The following IARS1 variants were observed in gnomAD, a reference collection of about 807,000 sequenced individuals.
IARS1 encodes the protein isoleucyl-tRNA synthetase 1.
A neutral mutation model predicts 168.2 loss-of-function variants in IARS1; 124 were observed. The observed-to-expected ratio is 0.74, with a 90% confidence interval of 0.64 to 0.86. IARS1 has a LOEUF of 0.86. Ranked by LOEUF, IARS1 falls within the 40% of genes least tolerant of loss-of-function variation. The pLI is 0.00. For missense variants in IARS1, 1,452 were observed against 1,515.8 expected (o/e 0.96, Z 0.70); for synonymous variants, 532 against 529.4 (o/e 1.00, Z -0.07).
chr9:92,259,699 C>G (rs1450314321), intron 18 of IARS1, among the ~76,000 whole-genome samples: 1 of 152,184 alleles, frequency 6.6e-6, no homozygotes, highest in Non-Finnish European at 1.5e-5. Context: ...ATGATTACAG[C>G]TACCTCAAGC....
intron 9 of IARS1, 64 bp from the exon 10 acceptor site, chr9:92,274,585 A>AAC: frequency 8.4e-7 from 1 of 1,188,024 alleles, no homozygotes; most frequent in Non-Finnish European, 1.2e-6. Context: ...TTAACTTTGT[A>AAC]ACAGTTTTTC....
chr9:92,254,989 C>T (rs933888994), intron 20 of IARS1, among the ~76,000 whole-genome samples: 1 of 152,140 alleles, frequency 6.6e-6, no homozygotes, highest in Non-Finnish European at 1.5e-5. Context: ...GAAGGGGGTC[C>T]GGGCAACAAT....
chr9:92,284,173 T>C (rs952826139), intron 6 of IARS1, among the ~76,000 whole-genome samples: 14 of 151,444 alleles, frequency 9.2e-5, no homozygotes, highest in African/African-American at 3.2e-4. Flanking sequence ...CGAGATCCTA[T>C]CTCAAAAACA....
intron 33 of IARS1, among the ~76,000 whole-genome samples, chr9:92,218,071 C>G (rs996584935): frequency 1.3e-5 from 2 of 152,110 alleles, no homozygotes; most frequent in African/African-American, 4.8e-5. Context: ...AAAAGCTTAT[C>G]CACCATGATC....
intron 13 of IARS1, among the ~76,000 whole-genome samples, chr9:92,269,116 C>T (rs1832685845): frequency 6.6e-6 from 1 of 152,070 alleles, no homozygotes; most frequent in East Asian, 1.9e-4. Flanking sequence ...AGCTTACTAG[C>T]TCTAAAAATG....
intron 14 of IARS1, 146 bp downstream of exon 14, chr9:92,268,028 T>C: frequency 1.2e-6 from 1 of 844,274 alleles, no homozygotes; most frequent in South Asian, 2.3e-5. Context: ...TCTTATGTCA[T>C]GATTCTAGAA....
In IARS1 at chr9:92,265,603, C is replaced by A. The variant is rs113525334; in HGVS notation, c.1432-50G>T. 62 of 1,346,082 alleles carry A rather than the reference C, an allele frequency of 4.6e-5. 1 individual carries two copies. In the African/African-American group the frequency reaches 5.4e-4, roughly 12 times the overall value. The allele number at this position is 1,346,082 out of a possible 1,614,324, so 83.4% of individuals were successfully genotyped here. On this transcript the variant is annotated intron_variant, in intron 14 of 33. Coordinates refer to ENST00000443024, the MANE Select transcript of IARS1 (RefSeq NM_002161.6). ...AGGAGCTCCTTAGAGCCAAACAGAG[C>A]ATACTGAGTTAATTTATATAGCATG...
At chr9:92,255,367 C>A (rs1047817085) in intron 20 of IARS1, among the ~76,000 whole-genome samples, 1 of 152,156 alleles carries the variant, frequency 6.6e-6, no homozygotes, top group South Asian at 2.1e-4. Context: ...TTTGCCTTGC[C>A]CTCTTTTGCC....
intron 17 of IARS1, among the ~76,000 whole-genome samples, chr9:92,262,115 G>A (rs998743665): frequency 1.3e-5 from 2 of 151,580 alleles, no homozygotes; most frequent in African/African-American, 4.9e-5. Context: ...CAGACTGCCT[G>A]GGTTCAAAAT....
At chr9:92,236,800 G>A (rs545057209) in intron 30 of IARS1, among the ~76,000 whole-genome samples, 24 of 152,366 alleles carry the variant, frequency 1.6e-4, no homozygotes, top group South Asian at 4.1e-4. Flanking sequence ...AGTGAGCTGA[G>A]TTGGCATCAC....
At chr9:92,266,137 A>G (rs1832263372) in intron 14 of IARS1, among the ~76,000 whole-genome samples, 1 of 152,202 alleles carries the variant, frequency 6.6e-6, no homozygotes, top group Non-Finnish European at 1.5e-5. Flanking sequence ...GAGAATCTTA[A>G]ACATTCATAG....
chr9:92,214,730 G>A (rs531366080), intron 33 of IARS1, among the ~76,000 whole-genome samples: 3 of 152,308 alleles, frequency 2.0e-5, no homozygotes, highest in South Asian at 2.1e-4. Context: ...AAAAAACGGC[G>A]CACCACGAGA....
intron 27 of IARS1, among the ~76,000 whole-genome samples, chr9:92,244,496 T>C (rs1266416979): frequency 6.6e-6 from 1 of 152,128 alleles, no homozygotes; most frequent in Admixed American, 6.5e-5. Flanking sequence ...TCTTCTCCAA[T>C]ATGGCAAAAA....
At chr9:92,254,403 A>T (rs974013087) in intron 20 of IARS1, among the ~76,000 whole-genome samples, 6 of 152,258 alleles carry the variant, frequency 3.9e-5, no homozygotes, top group African/African-American at 1.4e-4. Context: ...AATACAATTT[A>T]TAATAATGAA....
intron 21 of IARS1, 142 bp downstream of exon 21, chr9:92,253,220 C>T (rs1830262373): frequency 1.5e-6 from 1 of 653,100 alleles, no homozygotes; most frequent in South Asian, 1.7e-5. Context: ...AGTTAAAATG[C>T]AATGTAAAAG....
chr9:92,222,340 C>CAAAAAA (rs60335070), intron 33 of IARS1, among the ~76,000 whole-genome samples, 180 bp downstream of exon 33: 38 of 55,394 alleles, frequency 6.9e-4, no homozygotes, highest in East Asian at 2.3e-3. Context: ...GACTCAGTCT[C>CAAAAAA]AAAAAAAAAA....
At chr9:92,256,895 G>GA (rs1168653407) in intron 19 of IARS1, 95 bp from the exon 20 acceptor site, 7 of 1,228,704 alleles carry the variant, frequency 5.7e-6, no homozygotes, top group Non-Finnish European at 6.6e-6. Flanking sequence ...AAAACAAAAA[G>GA]AAAAAATCCC....
At chr9:92,277,139 T>A (rs977084314) in intron 9 of IARS1, among the ~76,000 whole-genome samples, 1 of 152,058 alleles carries the variant, frequency 6.6e-6, no homozygotes. Context: ...AAAAATCCAA[T>A]CAAATGTAAA....
At chr9:92,239,216 C>T (rs1462346299) in intron 30 of IARS1, among the ~76,000 whole-genome samples, 1 of 152,130 alleles carries the variant, frequency 6.6e-6, no homozygotes, top group Non-Finnish European at 1.5e-5. Context: ...CCTTTAGCTA[C>T]TCTTTTAGGA....
Sources: allele counts gnomAD v4.1 joint callset (sites outside exome capture counted in the v4.1 genomes callset), GRCh38; gene constraint gnomAD v4.1.1; transcripts MANE v1.5; gene names NCBI Gene and HGNC (gene_info 2026-07-23, HGNC 2026-07-21).